The following PRPF4 variants were observed in gnomAD, a reference collection of about 807,000 sequenced individuals.
PRPF4 encodes the protein U4/U6 small nuclear ribonucleoprotein Prp4.
Under a neutral mutation model 72.2 loss-of-function variants are expected in PRPF4, and 14 were observed. The ratio of observed to expected loss-of-function variants is 0.19; its 90% confidence interval spans 0.13 to 0.30. The LOEUF is 0.30. Ranked by LOEUF, PRPF4 falls within the 10% of genes least tolerant of loss-of-function variation. The probability of loss-of-function intolerance (pLI) is 1.00; values close to 1 mark genes in which losing one functional copy is unlikely to be tolerated. For missense variants in PRPF4, 478 were observed against 653.9 expected, an observed-to-expected ratio of 0.73 and a Z score of 2.93; for synonymous variants, 225 against 232.2, an observed-to-expected ratio of 0.97 and a Z score of 0.28.
chr9:113,278,216 T>C (rs1666612296), intron 2 of PRPF4, among the ~76,000 whole-genome samples: 1 of 152,272 alleles, frequency 6.6e-6, no homozygotes, highest in African/African-American at 2.4e-5. Context: ...GTCTACTATA[T>C]TTTAAAAATA....
In PRPF4 at chr9:113,286,712, C is replaced by A; in HGVS notation, c.816C>A (p.Asn272Lys). Residue 272 changes from asparagine (N) to lysine (K), a missense_variant, in exon 9 of 14, where the codon AAC becomes AAA. Physicochemically the swap from Asn to Lys is moderately conservative, Grantham distance 94 (BLOSUM62 0). Transcript: ENST00000374198. ...TCTCTTACACTCCTTTAGGGCATAA[C>A]ACAAATGTAGGAGCAATTGTATTCC... The part of the protein sequence containing the change: ...CNLLHTLRGH[N>K]TNVGAIVFHP... 3.7e-6 allele frequency: 6 copies of A among 1,614,122 alleles called. No individual in the cohort carries two copies. Among genetic ancestry groups the A allele is most frequent in the Non-Finnish European group, 5.1e-6 (6 of 1,180,010 alleles).
chr9:113,288,195 T>G lies in PRPF4; in HGVS notation c.953T>G (p.Ile318Ser). 1 of 1,614,244 alleles carries G rather than the reference T, an allele frequency of 6.2e-7. No homozygotes were observed. Among genetic ancestry groups the G allele is most frequent in the South Asian group, 1.1e-5 (1 of 91,080 alleles). Residue 318 changes from isoleucine (I) to serine (S), a missense_variant, in exon 10 of 14, where the codon ATT (isoleucine) becomes AGT (serine). Coordinates refer to ENST00000374198, the MANE Select transcript of PRPF4 (RefSeq NM_001244926.2). The part of the protein sequence containing the change: ...SLDSDEPVAD[I>S]EGHTVRVARV... Reference sequence around the variant, plus strand: ...TCCAGTGATGAACCAGTGGCAGATATTGAAGGCCATACAGTGCGTGTGGCG... The same window carrying G: ...TCCAGTGATGAACCAGTGGCAGATAGTGAAGGCCATACAGTGCGTGTGGCG...
chr9:113,275,693 T>C lies in PRPF4; in HGVS notation c.-51T>C, dbSNP rs375406089. 3 of 1,595,640 alleles carry C rather than the reference T, an allele frequency of 1.9e-6. No individual in the cohort carries two copies. The highest frequency in any genetic ancestry group is 1.7e-5 in the Admixed American group (1 of 57,884). The stretch of plus-strand genomic sequence containing the variant: ...TCTGCTGGGCGCGCGGTGGACGGTC[T>C]GAAAGGGAGTGTTCGGGTTTCGCTG... On this transcript the variant is annotated 5_prime_UTR_variant, in exon 1 of 14. Coordinates refer to ENST00000374198, the MANE Select transcript of PRPF4 (RefSeq NM_001244926.2).
chr9:113,287,096 TAA>T (rs1042678270), intron 9 of PRPF4, among the ~76,000 whole-genome samples: 3 of 152,198 alleles, frequency 2.0e-5, no homozygotes, highest in Non-Finnish European at 2.9e-5. Context: ...CAAGATGGTT[TAA>T]GAGTCAAGGT....
At chr9:113,279,679 G>A (rs1374203913) in intron 3 of PRPF4, among the ~76,000 whole-genome samples, 3 of 152,070 alleles carry the variant, frequency 2.0e-5, no homozygotes, top group East Asian at 1.9e-4. Context: ...GTGAGCCTTC[G>A]TGCCTGGCCC....
At position 113,278,941 on chromosome 9, in the gene PRPF4, A is replaced by G. The variant is rs778052333; in HGVS notation, c.206-4A>G. On this transcript the variant is annotated splice_polypyrimidine_tract_variant and splice_region_variant and intron_variant, in intron 2 of 13. Transcript: ENST00000374198. ...GCTGATGTTGCCTGTTTTCTTTTTA[A>G]TAGGAGAAGTGTTTGAAATTGAAGA... is the stretch of plus-strand genomic sequence containing the variant. 1.2e-6 allele frequency: 2 copies of G among 1,613,484 alleles called. No homozygotes were observed. Among genetic ancestry groups the G allele is most frequent in the Non-Finnish European group, 1.7e-6 (2 of 1,179,640 alleles).
chr9:113,280,596 A>G (rs1022044371), intron 3 of PRPF4, among the ~76,000 whole-genome samples: 1 of 152,154 alleles, frequency 6.6e-6, no homozygotes. Context: ...TCAAATCTGC[A>G]CTGTTGTGAT....
chr9:113,292,296 T>C lies in PRPF4; in HGVS notation c.*636T>C, dbSNP rs1280687862. 6.6e-6 allele frequency: 1 copy of C among 152,374 alleles called. No individual in the cohort carries two copies. The highest frequency in any genetic ancestry group is 1.5e-5 in the Non-Finnish European group (1 of 68,170). 9.4% of individuals were successfully genotyped at this position (152,374 alleles called of 1,614,324 possible). ...GTGACTGACTCTGCATTTTTAATTC[T>C]TGAAACTTGGCTTTCCATAACATGG... On this transcript the variant is annotated 3_prime_UTR_variant, in exon 14 of 14. Coordinates refer to ENST00000374198, the MANE Select transcript of PRPF4 (RefSeq NM_001244926.2).
chr9:113,280,564 C>G (rs2118601155), intron 3 of PRPF4, among the ~76,000 whole-genome samples: 2 of 152,348 alleles, frequency 1.3e-5, no homozygotes, highest in Middle Eastern at 3.4e-3. Context: ...CAGCTATCTT[C>G]TTTGCTCTAT....
chr9:113,286,880 G>T, intron 9 of PRPF4, 52 bp downstream of exon 9: 2 of 1,612,410 alleles, frequency 1.2e-6, no homozygotes, highest in South Asian at 1.1e-5. Context: ...GTAGATGTTT[G>T]ATTGGTTGGT....
chr9:113,278,245 C>G (rs890052350), intron 2 of PRPF4, among the ~76,000 whole-genome samples: 6 of 152,206 alleles, frequency 3.9e-5, no homozygotes, highest in Non-Finnish European at 8.8e-5. Flanking sequence ...CATATTTGTC[C>G]TAAGAAATTC....
intron 10 of PRPF4, among the ~76,000 whole-genome samples, chr9:113,289,679 C>G (rs879360209): frequency 6.6e-6 from 1 of 152,136 alleles, no homozygotes; most frequent in Non-Finnish European, 1.5e-5. Context: ...AAGAGACTTT[C>G]CTTTCTCTGT....
intron 1 of PRPF4, 123 bp from the exon 2 acceptor site, chr9:113,276,425 A>G (rs954769096): frequency 4.6e-6 from 5 of 1,088,298 alleles, no homozygotes; most frequent in South Asian, 1.3e-5. Flanking sequence ...GTAGTGTCCA[A>G]TTTGTCCTTT....
intron 2 of PRPF4, among the ~76,000 whole-genome samples, chr9:113,278,573 C>T (rs543849241): frequency 2.0e-5 from 3 of 152,320 alleles, no homozygotes; most frequent in South Asian, 2.1e-4. Context: ...GGTCTCCTTT[C>T]GAGAATAAAT....
intron 13 of PRPF4, 72 bp from the exon 14 acceptor site, chr9:113,291,395 G>T: frequency 6.9e-7 from 1 of 1,442,174 alleles, no homozygotes; most frequent in South Asian, 1.3e-5. Flanking sequence ...TGTTTTTGCA[G>T]ACTTTTGTGC....
intron 7 of PRPF4, 147 bp downstream of exon 7, chr9:113,284,536 A>T (rs1451031622): frequency 4.3e-6 from 3 of 690,784 alleles, no homozygotes; most frequent in African/African-American, 3.6e-5. Context: ...TCAGTGCTCT[A>T]CCTGTTGTAT....
intron 3 of PRPF4, 89 bp from the exon 4 acceptor site, chr9:113,282,557 C>A: frequency 2.1e-6 from 2 of 971,320 alleles, no homozygotes; most frequent in East Asian, 2.6e-5. Flanking sequence ...ACTTTAATAA[C>A]AGTGTTTAAA....
intron 3 of PRPF4, among the ~76,000 whole-genome samples, chr9:113,281,739 C>T (rs1055441977): frequency 1.4e-4 from 22 of 152,082 alleles, no homozygotes; most frequent in African/African-American, 5.3e-4. Context: ...TCTTGACCCC[C>T]TTGACCTGAT....
intron 8 of PRPF4, 31 bp from the exon 9 acceptor site, chr9:113,286,674 C>T (rs1320297308): frequency 1.2e-6 from 2 of 1,613,754 alleles, no homozygotes; most frequent in East Asian, 4.5e-5. Flanking sequence ...AGGCAGGAAC[C>T]TTTTAACTTG....
Sources: gnomAD v4.1 joint callset for allele counts (sites outside exome capture counted in the v4.1 genomes callset) on GRCh38, gnomAD v4.1.1 for gene constraint, MANE v1.5 for transcripts, NCBI Gene and HGNC (gene_info 2026-07-23, HGNC 2026-07-21) for gene names.